Variants in HS3ST4 observed in about 807,000 individuals in gnomAD.
The protein encoded by HS3ST4 is heparan sulfate-glucosamine 3-sulfotransferase 4.
HS3ST4 carries 17 observed loss-of-function variants against 29.2 expected under a neutral mutation model. That is an observed-to-expected ratio of 0.58 (90% CI 0.40 to 0.87). The LOEUF (loss-of-function observed/expected upper bound fraction) is 0.87, where lower values mean the gene tolerates loss of function less well. Ranked by LOEUF, HS3ST4 falls within the 40% of genes least tolerant of loss-of-function variation. HS3ST4 has a pLI of 0.00. For missense variants in HS3ST4, 627 were observed against 634.5 expected (o/e 0.99, Z 0.13); for synonymous variants, 314 against 285.7 (o/e 1.10, Z -1.00).
chr16:25,802,925 ATATGTGTGTGTGTGTGTGTGTGTGTG>A (rs1277989921), intron 1 of HS3ST4, among the ~76,000 whole-genome samples: 2 of 131,340 alleles, frequency 1.5e-5, no homozygotes, highest in African/African-American at 5.6e-5. Flanking sequence ...TTTAAGTTAT[ATATGTGTGTGTGTGTGTGTGTGTGTG>A]TGTGTGTGTG....
At chr16:26,032,063 C>T (rs1191305171) in intron 1 of HS3ST4, among the ~76,000 whole-genome samples, 1 of 152,084 alleles carries the variant, frequency 6.6e-6, no homozygotes, top group African/African-American at 2.4e-5. Flanking sequence ...TTGACAGGTG[C>T]CATCTCAGTG....
At position 25,886,515 on chromosome 16, in the gene HS3ST4, T is replaced by C. The variant is rs556000792; in HGVS notation, c.734+193364T>C. 2.0e-5 allele frequency among the ~76,000 whole-genome samples: 3 copies of C among 152,298 alleles called. No homozygotes were observed. The South Asian group carries it at 6.2e-4, about 32-fold the overall frequency. On this transcript the variant is annotated intron_variant, in intron 1 of 1. Transcript: ENST00000331351. ...CATCAGTCCTGGCTTGATCATCTGCTCAGAGAGAAGGAAGCTCAGTTTCCC... is the reference window on the plus strand; with the variant it reads ...CATCAGTCCTGGCTTGATCATCTGCCCAGAGAGAAGGAAGCTCAGTTTCCC...
At chr16:26,053,839 C>T (rs918461149) in intron 1 of HS3ST4, among the ~76,000 whole-genome samples, 6 of 151,864 alleles carry the variant, frequency 4.0e-5, no homozygotes, top group East Asian at 1.9e-4. Flanking sequence ...GTGGTGGTTG[C>T]GGTAACATCC....
intron 1 of HS3ST4, among the ~76,000 whole-genome samples, chr16:26,071,174 C>T (rs1898599429): frequency 6.6e-6 from 1 of 152,168 alleles, no homozygotes; most frequent in Non-Finnish European, 1.5e-5. Flanking sequence ...GCTCCACAAA[C>T]CCTGGAGATG....
intron 1 of HS3ST4, among the ~76,000 whole-genome samples, chr16:26,120,635 T>C (rs12598648): frequency 0.23 from 34,937 of 152,174 alleles, 4,562 homozygotes; most frequent in East Asian, 0.49. Context: ...CTGACACCTG[T>C]CATGTATATG....
chr16:26,127,239 C>T (rs900901433), intron 1 of HS3ST4, among the ~76,000 whole-genome samples: 3 of 152,216 alleles, frequency 2.0e-5, no homozygotes, highest in African/African-American at 7.2e-5. Context: ...AAAATCAAAG[C>T]CATTAAGCAG....
chr16:26,081,669 A>G (rs931984319), intron 1 of HS3ST4, among the ~76,000 whole-genome samples: 1 of 152,184 alleles, frequency 6.6e-6, no homozygotes, highest in African/African-American at 2.4e-5. Flanking sequence ...AGGTGAAGAA[A>G]TAAGAATGTT....
chr16:25,742,291 C>T (rs1455666769), intron 1 of HS3ST4, among the ~76,000 whole-genome samples: 1 of 152,136 alleles, frequency 6.6e-6, no homozygotes, highest in Non-Finnish European at 1.5e-5. Flanking sequence ...ATGCATTCAT[C>T]TTACTAGCTT....
intron 1 of HS3ST4, among the ~76,000 whole-genome samples, chr16:25,820,595 T>TGTTG (rs1195734186): frequency 6.6e-6 from 1 of 151,264 alleles, no homozygotes; most frequent in African/African-American, 2.4e-5. Flanking sequence ...TTGTTGTTGT[T>TGTTG]TATTTTTATT....
chr16:26,038,330 A>G (rs1002665204), intron 1 of HS3ST4, among the ~76,000 whole-genome samples: 10 of 151,662 alleles, frequency 6.6e-5, no homozygotes, highest in Non-Finnish European at 8.8e-5. Context: ...TCCCTACATT[A>G]TTGTCCCCAA....
chr16:26,003,336 A>G (rs1969228990), intron 1 of HS3ST4, among the ~76,000 whole-genome samples: 1 of 152,188 alleles, frequency 6.6e-6, no homozygotes, highest in Non-Finnish European at 1.5e-5. Flanking sequence ...ATTTAAGTAA[A>G]TCTCTTAGAA....
intron 1 of HS3ST4, among the ~76,000 whole-genome samples, chr16:25,944,752 A>T (rs1968608944): frequency 6.6e-6 from 1 of 152,100 alleles, no homozygotes; most frequent in Non-Finnish European, 1.5e-5. Context: ...CTCTTTCATT[A>T]TAAGTTCCTT....
chr16:25,715,436 A>G (rs1458247155), intron 1 of HS3ST4, among the ~76,000 whole-genome samples: 2 of 151,986 alleles, frequency 1.3e-5, no homozygotes, highest in African/African-American at 4.8e-5. Context: ...GTGATTCCAT[A>G]TGCAATTACC....
intron 1 of HS3ST4, among the ~76,000 whole-genome samples, chr16:25,955,168 C>A (rs1968717798): frequency 6.6e-6 from 1 of 152,120 alleles, no homozygotes; most frequent in African/African-American, 2.4e-5. Flanking sequence ...AGTTGCTGAA[C>A]CTGTGACCAG....
chr16:26,045,906 C>A (rs1898259292), intron 1 of HS3ST4, among the ~76,000 whole-genome samples: 1 of 152,156 alleles, frequency 6.6e-6, no homozygotes, highest in Admixed American at 6.5e-5. Context: ...TTACCACAAC[C>A]AACCATTTAT....
intron 1 of HS3ST4, among the ~76,000 whole-genome samples, chr16:25,895,399 G>T (rs543885131): frequency 7.2e-5 from 11 of 152,200 alleles, no homozygotes; most frequent in Admixed American, 2.0e-4. Context: ...GCAGTGATGT[G>T]ATCAGAGTTG....
chr16:25,842,720 T>A (rs1206634493), intron 1 of HS3ST4, among the ~76,000 whole-genome samples: 1 of 152,204 alleles, frequency 6.6e-6, no homozygotes, highest in Non-Finnish European at 1.5e-5. Context: ...AGAGGCTTAG[T>A]ACCCCTTTAT....
intron 1 of HS3ST4, among the ~76,000 whole-genome samples, chr16:26,099,436 G>A (rs910583484): frequency 1.3e-5 from 2 of 152,144 alleles, no homozygotes; most frequent in Non-Finnish European, 2.9e-5. Context: ...GTTTACAGGC[G>A]TGAGCCACCA....
intron 1 of HS3ST4, among the ~76,000 whole-genome samples, chr16:25,905,788 G>C (rs1241260761): frequency 6.6e-6 from 1 of 152,120 alleles, no homozygotes; most frequent in Admixed American, 6.5e-5. Context: ...TTTAGGATTA[G>C]TGTTATGAAA....
Sources: allele counts gnomAD v4.1 joint callset (sites outside exome capture counted in the v4.1 genomes callset), GRCh38; gene constraint gnomAD v4.1.1; transcripts MANE v1.5; gene names NCBI Gene and HGNC (gene_info 2026-07-23, HGNC 2026-07-21).